RAB22A: variants seen among roughly 807,000 people sequenced by gnomAD.
RAB22A encodes RAB22A, member RAS oncogene family, also known as ras-related protein Rab-22A.
RAB22A carries 13 observed loss-of-function variants against 30.2 expected under a neutral mutation model. The observed-to-expected ratio is 0.43, with a 90% CI of 0.28 to 0.68. The LOEUF (loss-of-function observed/expected upper bound fraction) is 0.68, where lower values mean the gene tolerates loss of function less well. RAB22A is among the 30% of genes least tolerant of loss of function. The pLI is 0.18. For missense variants in RAB22A, 177 were observed against 246.8 expected (o/e 0.72, Z 1.89); for synonymous variants, 89 against 87.2 (o/e 1.02, Z -0.11).
rs1397212739 is a variant in RAB22A at position 58,363,070 on chromosome 20, A to G, written c.*3367A>G. The G allele has an allele frequency of 6.6e-6, 1 of 152,232 alleles. No homozygotes were observed. The highest frequency in any genetic ancestry group is 6.5e-5 in the Admixed American group (1 of 15,276). The allele number at this position is 152,232 out of a possible 1,614,324, so 9.4% of individuals were successfully genotyped here. On this transcript the variant is annotated 3_prime_UTR_variant, in exon 7 of 7. Transcript: ENST00000244040. ...AAATTAAACTCTGGGAAATATAGTA[A>G]TGAAAATATCCTTTAGCTAACTTTC...
At chr20:58,321,885 C>T (rs1317612965) in intron 2 of RAB22A, among the ~76,000 whole-genome samples, 2 of 152,232 alleles carry the variant, frequency 1.3e-5, no homozygotes, top group African/African-American at 4.8e-5. Flanking sequence ...ACTGCAGCCT[C>T]AACTTCCCAG....
At chr20:58,313,118 A>C (rs1986263757) in intron 2 of RAB22A, among the ~76,000 whole-genome samples, 1 of 152,126 alleles carries the variant, frequency 6.6e-6, no homozygotes, top group Non-Finnish European at 1.5e-5. Context: ...AAGAAGAGAG[A>C]AAAGTGAAGG....
intron 3 of RAB22A, among the ~76,000 whole-genome samples, chr20:58,349,869 G>A (rs183459626): frequency 5.9e-5 from 9 of 152,222 alleles, no homozygotes; most frequent in Non-Finnish European, 8.8e-5. Context: ...AAACAGGAAG[G>A]TGTGACCCAG....
Position 58,310,023 on chromosome 20 carries a change from G to T in RAB22A, c.36+11G>T. The T allele has an allele frequency of 7.9e-7, 1 of 1,270,780 alleles. No homozygotes were observed. The highest frequency in any genetic ancestry group is 1.5e-5 in the African/African-American group (1 of 64,950). The allele number at this position is 1,270,780 out of a possible 1,614,324, so 78.7% of individuals were successfully genotyped here. A position where few individuals can be genotyped will look rare whatever the true frequency, so the allele number is the denominator to read the frequency against. On this transcript the variant is annotated intron_variant, in intron 1 of 6. Coordinates refer to ENST00000244040, the MANE Select transcript of RAB22A (RefSeq NM_020673.3). ...GTGTGTCTGCTCGGGGTGAGTGGCG[G>T]CGGGTCCGGCCGGGAGGGCCACGGG...
At chr20:58,323,673 T>C (rs1600726454) in intron 2 of RAB22A, among the ~76,000 whole-genome samples, 1 of 151,440 alleles carries the variant, frequency 6.6e-6, no homozygotes, top group Non-Finnish European at 1.5e-5. Context: ...TGTCACTATG[T>C]TGTTCGGGAT....
chr20:58,353,484 C>G lies in RAB22A; in HGVS notation c.323C>G (p.Pro108Arg). ...NWVKELRQHG[P>R]PNIVVAIAGN... ...GTGAAAGAGCTTCGACAGCATGGCC[C>G]ACCTAATATTGTAGTTGCCATTGCA... Residue 108 changes from proline to arginine, a missense_variant, in exon 5 of 7, where the codon CCA (proline) becomes CGA (arginine). By Grantham distance (103) the Pro-to-Arg change is moderately radical. Coordinates refer to ENST00000244040, the MANE Select transcript of RAB22A (RefSeq NM_020673.3). 6.2e-7 allele frequency: 1 copy of G among 1,613,410 alleles called. No homozygotes were observed. Among genetic ancestry groups the G allele is most frequent in the Non-Finnish European group, 8.5e-7 (1 of 1,179,374 alleles).
intron 2 of RAB22A, among the ~76,000 whole-genome samples, chr20:58,335,047 G>T (rs544691067): frequency 6.6e-6 from 1 of 152,132 alleles, no homozygotes; most frequent in African/African-American, 2.4e-5. Flanking sequence ...GGCAAAGTGC[G>T]ATATAGTCAC....
Position 58,310,023 on chromosome 20 carries a change from G to A in RAB22A, c.36+11G>A, listed in dbSNP as rs1264511467. 19 of 1,270,672 alleles carry A rather than the reference G, an allele frequency of 1.5e-5. 1 individual carries two copies. In the African/African-American group the frequency reaches 1.7e-4, roughly 11 times the overall value. 78.7% of individuals were successfully genotyped at this position (1,270,672 alleles called of 1,614,324 possible). On this transcript the variant is annotated intron_variant, in intron 1 of 6. Transcript: ENST00000244040. ...GTGTGTCTGCTCGGGGTGAGTGGCGGCGGGTCCGGCCGGGAGGGCCACGGG... is the reference window on the plus strand; with the variant it reads ...GTGTGTCTGCTCGGGGTGAGTGGCGACGGGTCCGGCCGGGAGGGCCACGGG...
Position 58,311,121 on chromosome 20 carries a change from G to A in RAB22A, c.115G>A (p.Gly39Arg). 6.3e-7 allele frequency: 1 copy of A among 1,578,042 alleles called. No homozygotes were observed. Among genetic ancestry groups the A allele is most frequent in the South Asian group, 1.1e-5 (1 of 90,366 alleles). ...TGATCCAAACATCAACCCAACAATA[G>A]GGTAAGAGACTTTTATTTGATACAC... is the stretch of plus-strand genomic sequence containing the variant. Reference protein sequence around the residue: ...SFDPNINPTIGASFMTKTVQY... With the variant: ...SFDPNINPTIRASFMTKTVQY... The change falls in exon 2 of 7, where the codon GGG (glycine) becomes AGG (arginine). Residue 39 changes from glycine (G) to arginine (R), a missense_variant and splice_region_variant. Coordinates refer to ENST00000244040, the MANE Select transcript of RAB22A (RefSeq NM_020673.3).
At chr20:58,340,040 T>G (rs1986829004) in intron 2 of RAB22A, among the ~76,000 whole-genome samples, 1 of 152,232 alleles carries the variant, frequency 6.6e-6, no homozygotes. Context: ...CTTACAGATG[T>G]GATAGGCCAA....
chr20:58,334,731 CTTTTTTT>C (rs11475299), intron 2 of RAB22A, among the ~76,000 whole-genome samples: 1 of 134,460 alleles, frequency 7.4e-6, no homozygotes, highest in Non-Finnish European at 1.6e-5. Flanking sequence ...CAACTTTGTA[CTTTTTTT>C]TTTTTTTTTG....
intron 2 of RAB22A, among the ~76,000 whole-genome samples, chr20:58,324,410 G>A (rs1986518550): frequency 6.6e-6 from 1 of 151,814 alleles, no homozygotes; most frequent in South Asian, 2.1e-4. Context: ...TCTGATATTA[G>A]TTTTGCCTTT....
intron 2 of RAB22A, among the ~76,000 whole-genome samples, chr20:58,333,985 G>C (rs1568868581): frequency 6.6e-6 from 1 of 152,046 alleles, no homozygotes; most frequent in Non-Finnish European, 1.5e-5. Flanking sequence ...TTGAGCCCAG[G>C]AGTTCAAGGC....
At position 58,309,764 on chromosome 20, in the gene RAB22A, G is replaced by A. The variant is rs889649866; in HGVS notation, c.-213G>A. The A allele has an allele frequency of 1.3e-5, 4 of 315,406 alleles. No homozygotes were observed. The South Asian group carries it at 5.6e-4, about 44-fold the overall frequency. 19.5% of individuals were successfully genotyped at this position (315,406 alleles called of 1,614,324 possible). A position where few individuals can be genotyped will look rare whatever the true frequency, so the allele number is the denominator to read the frequency against. ...ATGGCGGCGGCGGCGGCTCCCGGAA[G>A]GCCGCGGCGGCGTCCCGGCTGCTAA... On this transcript the variant is annotated 5_prime_UTR_variant, in exon 1 of 7. Transcript: ENST00000244040.
intron 2 of RAB22A, among the ~76,000 whole-genome samples, chr20:58,332,060 A>G (rs1600730422): frequency 1.3e-5 from 2 of 152,206 alleles, no homozygotes; most frequent in Admixed American, 1.3e-4. Context: ...TGGGCATATT[A>G]TATCCTTTAA....
At chr20:58,313,463 A>G (rs958333553) in intron 2 of RAB22A, among the ~76,000 whole-genome samples, 1 of 151,942 alleles carries the variant, frequency 6.6e-6, no homozygotes, top group Admixed American at 6.6e-5. Context: ...ATCTTGTCAT[A>G]GCCTGCACAC....
intron 3 of RAB22A, among the ~76,000 whole-genome samples, chr20:58,348,546 A>G (rs998414410): frequency 3.3e-5 from 5 of 152,210 alleles, no homozygotes; most frequent in Admixed American, 1.3e-4. Context: ...ACCTGACTCC[A>G]TGAGTAGAAG....
Position 58,363,589 on chromosome 20 carries a change from T to C in RAB22A, c.*3886T>C, listed in dbSNP as rs1987265720. The C allele has an allele frequency of 6.6e-6, 1 of 152,134 alleles. No individual in the cohort carries two copies. The highest frequency in any genetic ancestry group is 2.4e-5 in the African/African-American group (1 of 41,434). 9.4% of individuals were successfully genotyped at this position (152,134 alleles called of 1,614,324 possible). On this transcript the variant is annotated 3_prime_UTR_variant, in exon 7 of 7. Transcript: ENST00000244040. ...CTGTAATGAAAGTTCAGTGACAAAC[T>C]AGATAGTGAACCTGTGAAAGTCATT...
rs1320951784 is a variant in RAB22A, at chr20:58,363,909, G to A, written c.*4206G>A. ...ATATTTTATAGTTTTAGAAAAAAGG[G>A]TTGGGGGTGGAATTTAGCCTAGAAC... On this transcript the variant is annotated 3_prime_UTR_variant, in exon 7 of 7. Coordinates refer to ENST00000244040, the MANE Select transcript of RAB22A (RefSeq NM_020673.3). 1.3e-5 allele frequency: 2 copies of A among 152,530 alleles called. No individual in the cohort carries two copies. Among genetic ancestry groups the A allele is most frequent in the Non-Finnish European group, 2.9e-5 (2 of 68,028 alleles). The allele number at this position is 152,530 out of a possible 1,614,324, so 9.4% of individuals were successfully genotyped here.
Sources: gnomAD v4.1 joint callset for allele counts (sites outside exome capture counted in the v4.1 genomes callset) on GRCh38, gnomAD v4.1.1 for gene constraint, MANE v1.5 for transcripts, NCBI Gene and HGNC (gene_info 2026-07-23, HGNC 2026-07-21) for gene names.